Variants in CYRIB observed in about 807,000 individuals in gnomAD.
The protein encoded by CYRIB is CYFIP related Rac1 interactor B, also known as CYFIP-related Rac1 interactor B.
Under a neutral mutation model 44.2 loss-of-function variants are expected in CYRIB, and 8 were observed. That is an observed-to-expected ratio of 0.18 (90% confidence interval 0.11 to 0.33). The LOEUF is 0.33. Ranked by LOEUF, CYRIB falls within the 10% of genes least tolerant of loss-of-function variation. The pLI, the probability that CYRIB is intolerant of heterozygous loss-of-function variation, is 1.00. For missense variants in CYRIB, 185 were observed against 382.8 expected, an observed-to-expected ratio of 0.48 and a Z score of 4.31; for synonymous variants, 131 against 127.2, an observed-to-expected ratio of 1.03 and a Z score of -0.20.
intron 2 of CYRIB, among the ~76,000 whole-genome samples, chr8:129,962,386 T>G (rs2095301660): frequency 6.6e-6 from 1 of 152,144 alleles, no homozygotes; most frequent in East Asian, 1.9e-4. Context: ...GAGGCTGCAG[T>G]AAGCTAGAAT....
chr8:129,963,237 C>T (rs1486470465), intron 2 of CYRIB, among the ~76,000 whole-genome samples: 1 of 152,188 alleles, frequency 6.6e-6, no homozygotes, highest in East Asian at 1.9e-4. Flanking sequence ...ATCCTCCAGG[C>T]CTTATGTTTC....
At chr8:129,960,671 G>C (rs922121882) in intron 2 of CYRIB, among the ~76,000 whole-genome samples, 3 of 134,550 alleles carry the variant, frequency 2.2e-5, no homozygotes, top group Non-Finnish European at 3.1e-5. Context: ...AAAAAAAAAG[G>C]CTGGGCATGG....
intron 1 of CYRIB, among the ~76,000 whole-genome samples, chr8:129,917,910 T>G (rs866984954): frequency 1.1e-4 from 16 of 152,202 alleles, no homozygotes; most frequent in Admixed American, 2.0e-4. Context: ...TTTAAGAAAT[T>G]TAATTATTTC....
intron 1 of CYRIB, among the ~76,000 whole-genome samples, chr8:130,011,923 C>T (rs2097231328): frequency 6.6e-6 from 1 of 152,062 alleles, no homozygotes; most frequent in Non-Finnish European, 1.5e-5. Context: ...CTCACCCACA[C>T]GGATCCCATG....
At chr8:129,968,403 A>G (rs908472484) in intron 2 of CYRIB, among the ~76,000 whole-genome samples, 3 of 151,886 alleles carry the variant, frequency 2.0e-5, no homozygotes, top group African/African-American at 7.3e-5. Flanking sequence ...GTTCTTAATC[A>G]TTTTATTTCT....
chr8:129,953,779 A>T (rs1395187755), intron 2 of CYRIB, among the ~76,000 whole-genome samples: 1 of 152,220 alleles, frequency 6.6e-6, no homozygotes, highest in Non-Finnish European at 1.5e-5. Context: ...CCAGGGAATC[A>T]GATAAGCAAG....
chr8:129,920,226 T>C (rs1270082698), intron 1 of CYRIB, among the ~76,000 whole-genome samples: 1 of 152,140 alleles, frequency 6.6e-6, no homozygotes, highest in African/African-American at 2.4e-5. Flanking sequence ...TTCTTTCTTG[T>C]CTATCTTCTC....
intron 1 of CYRIB, among the ~76,000 whole-genome samples, chr8:130,002,246 C>T (rs560569795): frequency 6.6e-5 from 10 of 152,060 alleles, no homozygotes; most frequent in Non-Finnish European, 1.2e-4. Context: ...GGACTGTTTC[C>T]GCTCAGAAGT....
chr8:129,895,710 A>G (rs2067691428), intron 2 of CYRIB, among the ~76,000 whole-genome samples: 1 of 152,078 alleles, frequency 6.6e-6, no homozygotes, highest in South Asian at 2.1e-4. Context: ...TTATGTATTT[A>G]TTTATTTATG....
At chr8:129,974,043 T>C (rs962695704) in intron 1 of CYRIB, among the ~76,000 whole-genome samples, 1 of 151,930 alleles carries the variant, frequency 6.6e-6, no homozygotes, top group Admixed American at 6.6e-5. Flanking sequence ...CTGATTCCCC[T>C]CCCTGAAAAT....
chr8:129,854,031 C>A (rs1331892316), intron 7 of CYRIB, among the ~76,000 whole-genome samples: 1 of 152,098 alleles, frequency 6.6e-6, no homozygotes, highest in Non-Finnish European at 1.5e-5. Context: ...CAACGTTATA[C>A]AGATAAGCAA....
At chr8:129,960,209 C>A (rs1220208960) in intron 2 of CYRIB, among the ~76,000 whole-genome samples, 1 of 152,210 alleles carries the variant, frequency 6.6e-6, no homozygotes, top group Admixed American at 6.5e-5. Flanking sequence ...GGAGCAGAAA[C>A]CCTGGTCAAT....
At chr8:129,861,230 A>G (rs2049302525) in intron 5 of CYRIB, among the ~76,000 whole-genome samples, 1 of 152,212 alleles carries the variant, frequency 6.6e-6, no homozygotes, top group South Asian at 2.1e-4. Context: ...TTACAACTTT[A>G]AAATCAAACA....
intron 2 of CYRIB, among the ~76,000 whole-genome samples, chr8:129,965,276 G>GTGTA (rs1305866938): frequency 1.3e-5 from 2 of 151,074 alleles, no homozygotes; most frequent in Non-Finnish European, 3.0e-5. Context: ...GTGTGTGTGT[G>GTGTA]TGTCCTTCCA....
intron 1 of CYRIB, among the ~76,000 whole-genome samples, chr8:130,006,532 G>T (rs1299796706): frequency 7.9e-6 from 1 of 127,228 alleles, no homozygotes; most frequent in Non-Finnish European, 1.7e-5. Context: ...ATCACCTGAG[G>T]TCAGGAGTTC....
chr8:129,952,458 C>T (rs1422213069), intron 2 of CYRIB, among the ~76,000 whole-genome samples: 1 of 151,894 alleles, frequency 6.6e-6, no homozygotes, highest in Non-Finnish European at 1.5e-5. Context: ...ATTGTATATA[C>T]AATTAATATA....
chr8:130,012,467 T>C (rs1424081097), intron 1 of CYRIB, among the ~76,000 whole-genome samples: 2 of 152,090 alleles, frequency 1.3e-5, no homozygotes, highest in Admixed American at 1.3e-4. Flanking sequence ...GGACAGATGA[T>C]GGGACCAGGG....
At chr8:129,872,630 T>C (rs2133357050) in intron 3 of CYRIB, among the ~76,000 whole-genome samples, 1 of 152,192 alleles carries the variant, frequency 6.6e-6, no homozygotes, top group South Asian at 2.1e-4. Context: ...ATTATGATTA[T>C]CATATTTTAG....
chr8:129,987,568 C>CTTTTTTTTT (rs34876735), intron 1 of CYRIB, among the ~76,000 whole-genome samples: 1 of 127,024 alleles, frequency 7.9e-6, no homozygotes, highest in African/African-American at 3.2e-5. Flanking sequence ...TTTTTTTTTT[C>CTTTTTTTTT]TTTTTTTTTT....
Sources: gnomAD v4.1 joint callset for allele counts (sites outside exome capture counted in the v4.1 genomes callset) on GRCh38, gnomAD v4.1.1 for gene constraint, MANE v1.5 for transcripts, NCBI Gene and HGNC (gene_info 2026-07-23, HGNC 2026-07-21) for gene names.